SORBS2: variants seen among roughly 807,000 people sequenced by gnomAD.
SORBS2 encodes the protein sorbin and SH3 domain-containing protein 2.
Under a neutral mutation model 97.7 loss-of-function variants are expected in SORBS2, and 46 were observed. The ratio of observed to expected loss-of-function variants is 0.47; its 90% confidence interval spans 0.37 to 0.60. The LOEUF is 0.60. Among genes scored for constraint, SORBS2 ranks in the 20% least tolerant of loss-of-function variants. The pLI is 0.00. For synonymous variants in SORBS2, 476 were observed against 473.4 expected, an observed-to-expected ratio of 1.01 and a Z score of -0.07; for missense variants, 1,316 against 1,282.3, an observed-to-expected ratio of 1.03 and a Z score of -0.40.
chr4:185,717,507 T>G (rs1196302136), intron 2 of SORBS2, among the ~76,000 whole-genome samples: 1 of 152,190 alleles, frequency 6.6e-6, no homozygotes, highest in Admixed American at 6.5e-5. Context: ...CTTTCAGTAA[T>G]TTCTTAAGAC....
chr4:185,758,426 T>C (rs2098843870), intron 2 of SORBS2, among the ~76,000 whole-genome samples: 1 of 152,208 alleles, frequency 6.6e-6, no homozygotes, highest in Non-Finnish European at 1.5e-5. Context: ...CTCAGTTTCA[T>C]TGATAGGGTT....
At chr4:185,851,371 G>A (rs183813649) in intron 1 of SORBS2, among the ~76,000 whole-genome samples, 16 of 152,142 alleles carry the variant, frequency 1.1e-4, no homozygotes, top group Middle Eastern at 3.4e-3. Context: ...ATTCTTTTAC[G>A]TTCCTTTAAG....
chr4:185,914,495 C>T (rs2099257000), intron 1 of SORBS2, among the ~76,000 whole-genome samples: 2 of 152,118 alleles, frequency 1.3e-5, no homozygotes, highest in African/African-American at 4.8e-5. Context: ...AGGTACATAC[C>T]GGAATGTTAT....
chr4:185,644,536 C>T (rs902820562), intron 4 of SORBS2, among the ~76,000 whole-genome samples: 1 of 152,222 alleles, frequency 6.6e-6, no homozygotes, highest in Non-Finnish European at 1.5e-5. Flanking sequence ...ACCAAGTGCA[C>T]CAGGCATCAG....
At chr4:185,924,346 CT>C (rs1287074691) in intron 1 of SORBS2, among the ~76,000 whole-genome samples, 1 of 152,180 alleles carries the variant, frequency 6.6e-6, no homozygotes, top group African/African-American at 2.4e-5. Context: ...AGAAACCTCA[CT>C]TCGTTATAGG....
At chr4:185,939,802 G>T (rs897621565) in intron 1 of SORBS2, among the ~76,000 whole-genome samples, 3 of 152,108 alleles carry the variant, frequency 2.0e-5, no homozygotes, top group African/African-American at 7.2e-5. Context: ...GAGCTACCAC[G>T]CCTGGCCTGT....
At chr4:185,795,253 C>T (rs1184242220) in intron 1 of SORBS2, among the ~76,000 whole-genome samples, 1 of 152,130 alleles carries the variant, frequency 6.6e-6, no homozygotes, top group Non-Finnish European at 1.5e-5. Flanking sequence ...AACAAAGTTT[C>T]CAAAGTTTCT....
intron 1 of SORBS2, among the ~76,000 whole-genome samples, chr4:185,943,617 AGG>A (rs1194961411): frequency 6.6e-6 from 1 of 152,246 alleles, no homozygotes; most frequent in Non-Finnish European, 1.5e-5. Context: ...GAAAAATAGC[AGG>A]GGGAATATAT....
intron 2 of SORBS2, among the ~76,000 whole-genome samples, chr4:185,701,878 C>T (rs1044280571): frequency 2.6e-5 from 4 of 151,654 alleles, no homozygotes; most frequent in Admixed American, 6.6e-5. Context: ...TCAAGTGATT[C>T]CCCTGCCTCA....
At chr4:185,868,565 T>C (rs2099228628) in intron 1 of SORBS2, among the ~76,000 whole-genome samples, 1 of 152,008 alleles carries the variant, frequency 6.6e-6, no homozygotes, top group Admixed American at 6.5e-5. Context: ...CACAGACAAA[T>C]GAATATTTTA....
At chr4:185,913,382 C>T (rs948543011) in intron 1 of SORBS2, among the ~76,000 whole-genome samples, 1 of 152,110 alleles carries the variant, frequency 6.6e-6, no homozygotes, top group Non-Finnish European at 1.5e-5. Context: ...TGTTACCATA[C>T]CTTGATTTAG....
intron 1 of SORBS2, among the ~76,000 whole-genome samples, chr4:185,832,307 T>C (rs948603926): frequency 6.6e-6 from 1 of 152,220 alleles, no homozygotes; most frequent in Non-Finnish European, 1.5e-5. Flanking sequence ...ATTGTATTAT[T>C]TTCTTAGATT....
At chr4:185,661,422 T>TA (rs1303663572), upstream of SORBS2, among the ~76,000 whole-genome samples, 4 of 152,210 alleles carry the variant, frequency 2.6e-5, no homozygotes, top group African/African-American at 9.6e-5. Context: ...ATTATCTGCT[T>TA]ACAATTTTTT....
intron 1 of SORBS2, among the ~76,000 whole-genome samples, chr4:185,821,946 A>G (rs926425118): frequency 2.6e-5 from 4 of 152,248 alleles, no homozygotes; most frequent in Non-Finnish European, 5.9e-5. Context: ...CAACAAAATG[A>G]AGGACCCATA....
At chr4:185,929,422 A>G (rs1302652424) in intron 1 of SORBS2, among the ~76,000 whole-genome samples, 1 of 152,170 alleles carries the variant, frequency 6.6e-6, no homozygotes, top group African/African-American at 2.4e-5. Context: ...GTCTTTTATA[A>G]TTGAGTTTAA....
At chr4:185,600,031 C>T (rs2096222462) in intron 12 of SORBS2, among the ~76,000 whole-genome samples, 1 of 152,228 alleles carries the variant, frequency 6.6e-6, no homozygotes, top group South Asian at 2.1e-4. Flanking sequence ...TTACCCAGGA[C>T]ACATATCTCG....
intron 1 of SORBS2, among the ~76,000 whole-genome samples, chr4:185,782,130 A>G (rs2099034312): frequency 6.6e-6 from 1 of 152,274 alleles, no homozygotes; most frequent in South Asian, 2.1e-4. Context: ...AAGCAACACA[A>G]GAGTACATTT....
intron 1 of SORBS2, among the ~76,000 whole-genome samples, chr4:185,933,630 G>A (rs576062300): frequency 2.0e-5 from 3 of 152,062 alleles, no homozygotes; most frequent in African/African-American, 7.2e-5. Context: ...TTCCCCTTGC[G>A]CGTGTGTCCA....
At chr4:185,797,152 C>T (rs555877500) in intron 1 of SORBS2, among the ~76,000 whole-genome samples, 4 of 152,330 alleles carry the variant, frequency 2.6e-5, no homozygotes, top group African/African-American at 9.6e-5. Flanking sequence ...GGACCACACT[C>T]GAGTAGAGCT....
Sources: allele counts gnomAD v4.1 joint callset (sites outside exome capture counted in the v4.1 genomes callset), GRCh38; gene constraint gnomAD v4.1.1; transcripts MANE v1.5; gene names NCBI Gene and HGNC (gene_info 2026-07-23, HGNC 2026-07-21).